USP34: variants seen among roughly 807,000 people sequenced by gnomAD.
The protein encoded by USP34 is ubiquitin carboxyl-terminal hydrolase 34.
A neutral mutation model predicts 460.3 loss-of-function variants in USP34; 70 were observed. That is an observed-to-expected ratio of 0.15 (90% CI 0.13 to 0.19). The LOEUF (loss-of-function observed/expected upper bound fraction) is 0.19. Ranked by LOEUF, USP34 falls within the 10% of genes least tolerant of loss-of-function variation. USP34 has a pLI of 1.00. For missense variants in USP34, 3,985 were observed against 4,236.2 expected (o/e 0.94, Z 1.65); for synonymous variants, 1,647 against 1,405.3 (o/e 1.17, Z -3.85).
At chr2:61,299,617 G>A (rs1690157064) in intron 29 of USP34, among the ~76,000 whole-genome samples, 1 of 151,984 alleles carries the variant, frequency 6.6e-6, no homozygotes, top group South Asian at 2.1e-4. Context: ...CAGGCACATT[G>A]GCATGCACCT....
intron 41 of USP34, among the ~76,000 whole-genome samples, chr2:61,273,871 A>G (rs1199864516): frequency 6.6e-6 from 1 of 152,084 alleles, no homozygotes; most frequent in African/African-American, 2.4e-5. Flanking sequence ...TAATCAGTAG[A>G]AAAAAAATAA....
intron 1 of USP34, among the ~76,000 whole-genome samples, chr2:61,461,439 GAAAA>G (rs145041962): frequency 0.015 from 2,274 of 148,382 alleles, 59 homozygotes; most frequent in African/African-American, 0.053. Flanking sequence ...CTGAAATACA[GAAAA>G]AAAAACATAC....
At chr2:61,193,370 A>AAAG (rs1686697212) in intron 75 of USP34, 1 of 102,426 alleles carries the variant, frequency 9.8e-6, no homozygotes, top group Non-Finnish European at 2.0e-5. Flanking sequence ...AAAGGTAAAA[A>AAAG]AAAAAAAAAA....
At chr2:61,385,498 C>G (rs533754426) in intron 5 of USP34, among the ~76,000 whole-genome samples, 1 of 150,412 alleles carries the variant, frequency 6.6e-6, no homozygotes, top group Non-Finnish European at 1.5e-5. Flanking sequence ...GGTGAAACCC[C>G]ATCTCTACTA....
intron 3 of USP34, among the ~76,000 whole-genome samples, chr2:61,397,075 TGAGAA>T (rs1461140596): frequency 6.6e-6 from 1 of 152,174 alleles, no homozygotes; most frequent in African/African-American, 2.4e-5. Flanking sequence ...CAACTTTTTT[TGAGAA>T]GAGAATGAAG....
At chr2:61,324,038 T>C (rs1362253347) in intron 21 of USP34, among the ~76,000 whole-genome samples, 2 of 152,214 alleles carry the variant, frequency 1.3e-5, no homozygotes, top group African/African-American at 2.4e-5. Context: ...AAAAGAGTCA[T>C]GACGACTCCT....
rs1688388177 is a variant in USP34 at position 61,245,205 on chromosome 2, C to A, written c.6627+5G>T. ...AACCATTTATAATTTCTGAATAAAA[C>A]TTACCGTCATCTCTCCACCAAAACA... On this transcript the variant is annotated splice_donor_5th_base_variant and intron_variant, in intron 51 of 79. Coordinates refer to ENST00000398571, the MANE Select transcript of USP34 (RefSeq NM_014709.4). 1.9e-6 allele frequency: 3 copies of A among 1,608,416 alleles called. No homozygotes were observed. Among genetic ancestry groups the A allele is most frequent in the Non-Finnish European group, 2.6e-6 (3 of 1,176,258 alleles).
intron 72 of USP34, among the ~76,000 whole-genome samples, chr2:61,205,194 C>T (rs909874211): frequency 6.6e-6 from 1 of 152,122 alleles, no homozygotes; most frequent in African/African-American, 2.4e-5. Context: ...ATAAAATCAA[C>T]CAAAACAGCT....
intron 18 of USP34, among the ~76,000 whole-genome samples, chr2:61,338,134 C>G (rs1341799016): frequency 6.6e-6 from 1 of 152,116 alleles, no homozygotes; most frequent in Non-Finnish European, 1.5e-5. Flanking sequence ...CCAGCCTGGC[C>G]AACATGGTGA....
At chr2:61,406,358 C>A (rs901656096) in intron 2 of USP34, among the ~76,000 whole-genome samples, 1 of 151,924 alleles carries the variant, frequency 6.6e-6, no homozygotes, top group Non-Finnish European at 1.5e-5. Flanking sequence ...TTCAGTTTTA[C>A]GTATGGATTT....
Position 61,311,826 on chromosome 2 carries a change from C to G in USP34, c.3627G>C (p.Leu1209=), listed in dbSNP as rs776240058. 2 of 1,613,896 alleles carry G rather than the reference C, an allele frequency of 1.2e-6. No individual in the cohort carries two copies. The highest frequency in any genetic ancestry group is 2.2e-5 in the South Asian group (2 of 91,064). ...HLKALSDKQS[L]PLRVVCQPAG... ...CTGGCTGGCATACAACCCTTAGCGG[C>G]AGAGACTGTTTGTCACTCAGTGCTT... is the stretch of plus-strand genomic sequence containing the variant. Residue 1209 remains leucine, a synonymous_variant, in exon 26 of 80, where the codon CTG becomes CTC. Coordinates refer to ENST00000398571, the MANE Select transcript of USP34 (RefSeq NM_014709.4).
chr2:61,392,663 C>G (rs1045399742), intron 5 of USP34, among the ~76,000 whole-genome samples: 1 of 151,984 alleles, frequency 6.6e-6, no homozygotes, highest in Non-Finnish European at 1.5e-5. Context: ...ACCCTGTAAA[C>G]GATAACTTTT....
intron 8 of USP34, among the ~76,000 whole-genome samples, chr2:61,372,384 A>C (rs1482573535): frequency 2.6e-5 from 4 of 152,206 alleles, no homozygotes; most frequent in African/African-American, 9.6e-5. Context: ...AAGAAACAAA[A>C]TTCATTTCTA....
chr2:61,318,652 G>C (rs2103692543), intron 22 of USP34, among the ~76,000 whole-genome samples: 1 of 152,276 alleles, frequency 6.6e-6, no homozygotes, highest in South Asian at 2.1e-4. Context: ...CTGAACTGTG[G>C]CATGTGGTAA....
At chr2:61,338,274 T>C (rs953392088) in intron 18 of USP34, among the ~76,000 whole-genome samples, 1 of 152,064 alleles carries the variant, frequency 6.6e-6, no homozygotes, top group African/African-American at 2.4e-5. Flanking sequence ...TAAGCCAAGA[T>C]CACACGACTG....
chr2:61,440,473 A>T (rs1319393528), intron 1 of USP34, among the ~76,000 whole-genome samples: 2 of 151,014 alleles, frequency 1.3e-5, no homozygotes, highest in East Asian at 1.9e-4. Context: ...ATTTCTCTTC[A>T]TGCCTTTTCC....
intron 33 of USP34, among the ~76,000 whole-genome samples, chr2:61,291,914 C>G (rs1689864411): frequency 6.6e-6 from 1 of 152,060 alleles, no homozygotes; most frequent in South Asian, 2.1e-4. Context: ...TTGCTACTTC[C>G]AAGGATGAAT....
chr2:61,328,130 T>C (rs1442699012), intron 20 of USP34, among the ~76,000 whole-genome samples: 1 of 151,720 alleles, frequency 6.6e-6, no homozygotes, highest in Non-Finnish European at 1.5e-5. Flanking sequence ...TGGCGAAACC[T>C]TGTCTCTACT....
chr2:61,434,269 T>TC (rs1694753877), intron 1 of USP34, among the ~76,000 whole-genome samples: 1 of 151,910 alleles, frequency 6.6e-6, no homozygotes, highest in South Asian at 2.1e-4. Flanking sequence ...CTGATGGGCA[T>TC]CCCCCCAGGC....
Sources: allele counts gnomAD v4.1 joint callset (sites outside exome capture counted in the v4.1 genomes callset), GRCh38; gene constraint gnomAD v4.1.1; transcripts MANE v1.5; gene names NCBI Gene and HGNC (gene_info 2026-07-23, HGNC 2026-07-21).